The following KHDRBS2 variants were observed in gnomAD, a reference collection of about 807,000 sequenced individuals.
KHDRBS2 encodes KH RNA binding domain containing, signal transduction associated 2.
KHDRBS2 carries 26 observed loss-of-function variants against 44.3 expected under a neutral mutation model. The observed-to-expected ratio is 0.59, with a 90% CI of 0.43 to 0.81. The LOEUF (loss-of-function observed/expected upper bound fraction) is 0.81, where lower values mean the gene tolerates loss of function less well. Among genes scored for constraint, KHDRBS2 ranks in the 40% least tolerant of loss-of-function variants. The pLI is 0.00. For missense variants in KHDRBS2, 476 were observed against 433.1 expected (o/e 1.10, Z -0.88); for synonymous variants, 194 against 151.1 (o/e 1.28, Z -2.08).
intron 2 of KHDRBS2, among the ~76,000 whole-genome samples, chr6:62,154,256 C>T (rs1398333563): frequency 6.6e-6 from 1 of 152,144 alleles, no homozygotes; most frequent in African/African-American, 2.4e-5. Flanking sequence ...TCAGGTGTCA[C>T]GGAGATTCTC....
At chr6:62,275,310 A>G (rs1377997603) in intron 1 of KHDRBS2, among the ~76,000 whole-genome samples, 1 of 152,130 alleles carries the variant, frequency 6.6e-6, no homozygotes. Flanking sequence ...ATGTTCTTTC[A>G]TCTTCCCACA....
intron 1 of KHDRBS2, among the ~76,000 whole-genome samples, chr6:62,235,696 T>C (rs1326299668): frequency 1.3e-5 from 2 of 152,056 alleles, no homozygotes; most frequent in Admixed American, 6.6e-5. Context: ...TCTGAGTCCA[T>C]TTAAAATTTA....
intron 6 of KHDRBS2, among the ~76,000 whole-genome samples, chr6:61,845,038 A>C (rs1445730674): frequency 1.3e-5 from 2 of 152,192 alleles, no homozygotes; most frequent in Non-Finnish European, 2.9e-5. Flanking sequence ...ACTACTTGAC[A>C]AGATAAACTC....
At chr6:62,008,009 A>G (rs1375432230) in intron 3 of KHDRBS2, among the ~76,000 whole-genome samples, 1 of 152,200 alleles carries the variant, frequency 6.6e-6, no homozygotes, top group Non-Finnish European at 1.5e-5. Context: ...AATGAATTTC[A>G]TATGTTAAAA....
the KHDRBS2 span, among the ~76,000 whole-genome samples, chr6:61,594,168 T>C: frequency 8.5e-5 from 13 of 152,220 alleles, no homozygotes; most frequent in South Asian, 1.0e-3. Flanking sequence ...CCAATTCCTG[T>C]AAGCTACAAA....
the KHDRBS2 span, among the ~76,000 whole-genome samples, chr6:61,646,966 C>T: frequency 1.3e-5 from 2 of 151,736 alleles, no homozygotes; most frequent in African/African-American, 4.8e-5. Context: ...ATTACAGGCA[C>T]CCACCACCAT....
intron 7 of KHDRBS2, among the ~76,000 whole-genome samples, chr6:61,726,799 A>G (rs1220482045): frequency 6.6e-6 from 1 of 152,212 alleles, no homozygotes; most frequent in Non-Finnish European, 1.5e-5. Context: ...AAAACATTCC[A>G]TGCTTATGGA....
chr6:62,226,790 C>G (rs1357509949), intron 1 of KHDRBS2, among the ~76,000 whole-genome samples: 3 of 152,140 alleles, frequency 2.0e-5, no homozygotes, highest in African/African-American at 7.2e-5. Flanking sequence ...GATCCCTTCC[C>G]CATTACTTGT....
chr6:61,564,177 G>T, the KHDRBS2 span, among the ~76,000 whole-genome samples: 2 of 152,040 alleles, frequency 1.3e-5, no homozygotes, highest in African/African-American at 2.4e-5. Flanking sequence ...CTTCTCTCTA[G>T]CTTTAACAAG....
At chr6:61,957,938 T>A (rs1170204348) in intron 4 of KHDRBS2, among the ~76,000 whole-genome samples, 1 of 152,186 alleles carries the variant, frequency 6.6e-6, no homozygotes, top group East Asian at 1.9e-4. Context: ...CTCTCTTTTG[T>A]ACTCTGTCCC....
chr6:62,276,189 G>A (rs1435170445), intron 1 of KHDRBS2, among the ~76,000 whole-genome samples: 5 of 152,272 alleles, frequency 3.3e-5, no homozygotes, highest in East Asian at 1.9e-4. Context: ...AACAGACATC[G>A]ATCGTGGCAT....
chr6:61,584,506 T>C, the KHDRBS2 span, among the ~76,000 whole-genome samples: 34 of 152,034 alleles, frequency 2.2e-4, no homozygotes, highest in Non-Finnish European at 4.6e-4. Flanking sequence ...GATTTGCATA[T>C]GGTAAACTAA....
In KHDRBS2 at chr6:61,917,278, T is replaced by C. The variant is rs372119617; in HGVS notation, c.484-15907A>G. ...TAATTCAGCAATAAAAATAAATGAG[T>C]TTGTATGAAGCCAAGGAAAGAAATG... On this transcript the variant is annotated intron_variant, in intron 4 of 8. Transcript: ENST00000281156. 1.6e-4 allele frequency among the ~76,000 whole-genome samples: 25 copies of C among 151,856 alleles called. No individual in the cohort carries two copies. In the East Asian group the frequency reaches 2.9e-3, roughly 18 times the overall value.
At chr6:61,824,507 C>T (rs184203558) in intron 6 of KHDRBS2, among the ~76,000 whole-genome samples, 44 of 152,204 alleles carry the variant, frequency 2.9e-4, no homozygotes, top group African/African-American at 8.9e-4. Flanking sequence ...ATTAACCCTC[C>T]TGTCTTCATA....
intron 8 of KHDRBS2, 48 bp from the exon 9 acceptor site, chr6:61,681,108 C>T (rs1306558582): frequency 1.6e-6 from 2 of 1,250,114 alleles, no homozygotes; most frequent in Non-Finnish European, 2.3e-6. Flanking sequence ...TCACAGTTAC[C>T]AAAAATAGTC....
intron 3 of KHDRBS2, among the ~76,000 whole-genome samples, chr6:62,009,957 C>T (rs1779993444): frequency 1.3e-5 from 2 of 152,158 alleles, no homozygotes; most frequent in Admixed American, 6.5e-5. Flanking sequence ...ATACAGAGTC[C>T]TCACTGGGGT....
At chr6:62,052,474 C>T (rs1161077757) in intron 2 of KHDRBS2, among the ~76,000 whole-genome samples, 2 of 150,912 alleles carry the variant, frequency 1.3e-5, no homozygotes, top group East Asian at 2.0e-4. Context: ...AATAAGGAAA[C>T]GTAAGTCAGA....
the KHDRBS2 span, chr6:61,574,266 G>A: frequency 5.5e-5 from 65 of 1,171,284 alleles, no homozygotes; most frequent in Non-Finnish European, 6.0e-5. Flanking sequence ...TTTAACGGCC[G>A]TGGTACCCTA....
intron 3 of KHDRBS2, among the ~76,000 whole-genome samples, chr6:62,019,200 C>A (rs6933519): frequency 0.83 from 125,787 of 151,908 alleles, 52,432 homozygotes; most frequent in Admixed American, 0.88. Context: ...TAATAAAATT[C>A]GTATTAGTAG....
Sources: allele counts gnomAD v4.1 joint callset (sites outside exome capture counted in the v4.1 genomes callset), GRCh38; gene constraint gnomAD v4.1.1; transcripts MANE v1.5; gene names NCBI Gene and HGNC (gene_info 2026-07-23, HGNC 2026-07-21).